The following KSR2 variants were observed in gnomAD, a reference collection of about 807,000 sequenced individuals.
KSR2 encodes kinase suppressor of ras 2.
Under a neutral mutation model 107.8 loss-of-function variants are expected in KSR2, and 25 were observed. The observed-to-expected ratio is 0.23, with a 90% CI of 0.17 to 0.32. KSR2 has a LOEUF of 0.32. Ranked by LOEUF, KSR2 falls within the 10% of genes least tolerant of loss-of-function variation. The pLI is 1.00. For missense variants in KSR2, 887 were observed against 1,268.9 expected (o/e 0.70, Z 4.57); for synonymous variants, 480 against 507.0 (o/e 0.95, Z 0.71).
chr12:117,812,158 T>C (rs1215293789), intron 3 of KSR2, among the ~76,000 whole-genome samples: 1 of 152,200 alleles, frequency 6.6e-6, no homozygotes, highest in Non-Finnish European at 1.5e-5. Flanking sequence ...GGGTAGTCAC[T>C]AGACACATAT....
chr12:117,845,238 TG>T (rs1220850509), intron 3 of KSR2, among the ~76,000 whole-genome samples: 2 of 152,198 alleles, frequency 1.3e-5, no homozygotes, highest in Admixed American at 6.5e-5. Context: ...ACAAGGCAGT[TG>T]TGTTGAGCCA....
chr12:117,719,188 T>C (rs1254495270), intron 4 of KSR2, among the ~76,000 whole-genome samples: 1 of 152,154 alleles, frequency 6.6e-6, no homozygotes, highest in Non-Finnish European at 1.5e-5. Flanking sequence ...TTCCACTTTT[T>C]CTTGATAAAT....
At chr12:117,671,331 A>G (rs1884898050) in intron 4 of KSR2, among the ~76,000 whole-genome samples, 1 of 152,000 alleles carries the variant, frequency 6.6e-6, no homozygotes, top group Non-Finnish European at 1.5e-5. Flanking sequence ...TTGATTGATC[A>G]TTAGATAGAT....
intron 4 of KSR2, among the ~76,000 whole-genome samples, chr12:117,727,729 C>T (rs1044794613): frequency 6.6e-6 from 1 of 152,158 alleles, no homozygotes; most frequent in African/African-American, 2.4e-5. Context: ...GACTTCTGGC[C>T]TCTGGAACTG....
At chr12:117,815,303 G>C in intron 3 of KSR2, among the ~76,000 whole-genome samples, 1 of 152,056 alleles carries the variant, frequency 6.6e-6, no homozygotes, top group East Asian at 1.9e-4. Flanking sequence ...TACACAATTA[G>C]GGATCATTAC....
intron 3 of KSR2, among the ~76,000 whole-genome samples, chr12:117,826,855 T>G (rs553332704): frequency 2.0e-4 from 31 of 151,814 alleles, no homozygotes; most frequent in African/African-American, 6.8e-4. Context: ...GAGGCCAAGG[T>G]GGGCAGATCG....
chr12:117,481,327 T>C (rs1872163511), intron 16 of KSR2, among the ~76,000 whole-genome samples: 1 of 152,122 alleles, frequency 6.6e-6, no homozygotes, highest in South Asian at 2.1e-4. Context: ...TTGTATTTAG[T>C]GATAAAGCCT....
intron 7 of KSR2, among the ~76,000 whole-genome samples, chr12:117,558,825 G>C (rs1433144494): frequency 2.0e-5 from 3 of 151,198 alleles, no homozygotes; most frequent in Admixed American, 2.0e-4. Flanking sequence ...TGGCTGGGTG[G>C]ATAGATTGAT....
chr12:117,792,529 A>G (rs1485018579), intron 3 of KSR2, among the ~76,000 whole-genome samples: 2 of 152,210 alleles, frequency 1.3e-5, no homozygotes, highest in East Asian at 1.9e-4. Context: ...GGGATCCTAC[A>G]TGCAAAGTGT....
At chr12:117,515,954 T>C (rs150808501) in intron 14 of KSR2, among the ~76,000 whole-genome samples, 2 of 152,244 alleles carry the variant, frequency 1.3e-5, no homozygotes, top group African/African-American at 4.8e-5. Context: ...AGCAATGTAA[T>C]AGGAGGAGAC....
intron 10 of KSR2, among the ~76,000 whole-genome samples, chr12:117,539,319 C>T (rs1256105599): frequency 6.6e-6 from 1 of 152,150 alleles, no homozygotes; most frequent in East Asian, 1.9e-4. Context: ...ATCTCACTGC[C>T]AATTTTAACC....
chr12:117,775,205 G>A (rs770572552), intron 3 of KSR2, among the ~76,000 whole-genome samples: 6 of 152,248 alleles, frequency 3.9e-5, no homozygotes, highest in Admixed American at 1.3e-4. Context: ...TGGTAACTCT[G>A]TGGTTAACCT....
intron 3 of KSR2, among the ~76,000 whole-genome samples, chr12:117,840,706 G>A (rs1892434151): frequency 1.3e-5 from 2 of 151,594 alleles, no homozygotes; most frequent in African/African-American, 4.8e-5. Flanking sequence ...CCATGCAGCT[G>A]TTTAAAAAAT....
At chr12:117,593,513 G>T (rs1321271118) in intron 5 of KSR2, among the ~76,000 whole-genome samples, 2 of 152,228 alleles carry the variant, frequency 1.3e-5, no homozygotes, top group African/African-American at 2.4e-5. Flanking sequence ...AGGCAACTAG[G>T]GGGACACAAA....
intron 9 of KSR2, among the ~76,000 whole-genome samples, chr12:117,542,540 T>C (rs959583464): frequency 6.6e-6 from 1 of 152,184 alleles, no homozygotes; most frequent in African/African-American, 2.4e-5. Flanking sequence ...ATCCCTCATG[T>C]TGCCCGTTTA....
chr12:117,507,982 C>T (rs941461551), intron 14 of KSR2, among the ~76,000 whole-genome samples: 1 of 152,166 alleles, frequency 6.6e-6, no homozygotes, highest in Non-Finnish European at 1.5e-5. Flanking sequence ...TAAAAAGCCA[C>T]CCTCCCTTGT....
chr12:117,517,950 T>C (rs535774498), intron 14 of KSR2: 66 of 445,982 alleles, frequency 1.5e-4, no homozygotes, highest in African/African-American at 1.2e-3. Flanking sequence ...GGGTTCTCCA[T>C]GCATCTGTCA....
chr12:117,730,706 C>T (rs1171211142), intron 4 of KSR2, among the ~76,000 whole-genome samples: 9 of 152,192 alleles, frequency 5.9e-5, no homozygotes, highest in Non-Finnish European at 1.2e-4. Flanking sequence ...GACGGGGTTT[C>T]GCTGTGTTGG....
At chr12:117,570,575 C>G (rs1490261125) in intron 7 of KSR2, among the ~76,000 whole-genome samples, 4 of 152,176 alleles carry the variant, frequency 2.6e-5, no homozygotes, top group African/African-American at 7.2e-5. Flanking sequence ...TCCAGAACTT[C>G]GATGTTGCTT....
Sources: allele counts gnomAD v4.1 joint callset (sites outside exome capture counted in the v4.1 genomes callset), GRCh38; gene constraint gnomAD v4.1.1; transcripts MANE v1.5; gene names NCBI Gene and HGNC (gene_info 2026-07-23, HGNC 2026-07-21).